FBXO9: variants seen among roughly 807,000 people sequenced by gnomAD.
The protein encoded by FBXO9 is F-box protein 9.
In FBXO9, 43 loss-of-function variants were observed where a neutral mutation model predicts 63.7. The ratio of observed to expected loss-of-function variants is 0.67; its 90% CI spans 0.53 to 0.87. The LOEUF (loss-of-function observed/expected upper bound fraction) is 0.87, where lower values mean the gene tolerates loss of function less well. FBXO9 is among the 40% of genes least tolerant of loss of function. FBXO9 has a pLI of 0.00. For synonymous variants in FBXO9, 156 were observed against 171.7 expected (o/e 0.91, Z 0.72); for missense variants, 442 against 533.2 (o/e 0.83, Z 1.68).
chr6:53,071,009 A>G, intron 1 of FBXO9, 48 bp from the exon 2 acceptor site: 2 of 1,553,002 alleles, frequency 1.3e-6, no homozygotes, highest in Non-Finnish European at 1.7e-6. Flanking sequence ...TGCAGAGGGC[A>G]ACTGGTGTGT....
intron 7 of FBXO9, chr6:53,090,878 T>A (rs1222975230): frequency 6.6e-6 from 1 of 152,130 alleles, no homozygotes; most frequent in Non-Finnish European, 1.5e-5. Context: ...TTTTGCCTAG[T>A]TAATTAAAAA....
intron 5 of FBXO9, among the ~76,000 whole-genome samples, chr6:53,079,921 A>C (rs1207206818): frequency 6.6e-6 from 1 of 152,128 alleles, no homozygotes; most frequent in Non-Finnish European, 1.5e-5. Flanking sequence ...AATATTGTTC[A>C]CCAAATTAGA....
In FBXO9 at chr6:53,093,550, T is replaced by G. The variant is rs1763110327; in HGVS notation, c.948T>G (p.Thr316=). 5 of 1,612,056 alleles carry G rather than the reference T, an allele frequency of 3.1e-6. No homozygotes were observed. Among genetic ancestry groups the G allele is most frequent in the Non-Finnish European group, 4.2e-6 (5 of 1,178,530 alleles). Residue 316 remains threonine, a synonymous_variant, in exon 10 of 13, where the codon ACT becomes ACG. Coordinates refer to ENST00000323557, the MANE Select transcript of FBXO9 (RefSeq NM_033480.3). ...EPQSIVPRLR[T]RNTRTDAILL... ...AGTCCATTGTTCCACGTTTAAGAAC[T>G]AGGAATACCAGGTAGCATTTGTTTT...
chr6:53,068,754 G>A (rs773006852), intron 1 of FBXO9, among the ~76,000 whole-genome samples: 3 of 150,222 alleles, frequency 2.0e-5, no homozygotes, highest in Non-Finnish European at 2.9e-5. Flanking sequence ...CCAGGCTCAA[G>A]CAATCCTCTC....
intron 3 of FBXO9, 107 bp from the exon 4 acceptor site, chr6:53,076,379 A>G: frequency 2.9e-6 from 2 of 685,204 alleles, no homozygotes; most frequent in East Asian, 3.1e-5. Context: ...TAATTTGCCT[A>G]TGAATATCCA....
chr6:53,073,221 T>A (rs915718783), intron 2 of FBXO9, among the ~76,000 whole-genome samples: 1 of 152,180 alleles, frequency 6.6e-6, no homozygotes, highest in Non-Finnish European at 1.5e-5. Flanking sequence ...CTAATTAAAA[T>A]TTGGTTTTCC....
intron 1 of FBXO9, among the ~76,000 whole-genome samples, chr6:53,069,081 C>A (rs1001201150): frequency 3.3e-5 from 5 of 152,152 alleles, no homozygotes; most frequent in Admixed American, 2.0e-4. Flanking sequence ...GAGTTTGAGG[C>A]CATCCTGGGC....
At chr6:53,094,936 A>G (rs553546075) in intron 11 of FBXO9, 32 of 204,126 alleles carry the variant, frequency 1.6e-4, no homozygotes, top group African/African-American at 7.5e-4. Flanking sequence ...TTTTCTCTTC[A>G]GAATATGATG....
At chr6:53,081,321 G>C (rs1015018835) in intron 6 of FBXO9, among the ~76,000 whole-genome samples, 3 of 152,190 alleles carry the variant, frequency 2.0e-5, no homozygotes, top group Non-Finnish European at 4.4e-5. Flanking sequence ...ACCCAGGCTG[G>C]AGTGCAGTGG....
intron 6 of FBXO9, 143 bp downstream of exon 6, chr6:53,081,241 A>C: frequency 1.2e-6 from 1 of 824,176 alleles, no homozygotes; most frequent in Non-Finnish European, 1.9e-6. Context: ...TATCATTTGC[A>C]TATACTATTA....
At chr6:53,087,384 A>G (rs1762923822) in intron 7 of FBXO9, among the ~76,000 whole-genome samples, 1 of 151,116 alleles carries the variant, frequency 6.6e-6, no homozygotes. Context: ...TTTCAGTGTC[A>G]GGCTATTAAC....
At chr6:53,069,999 T>C (rs547073523) in intron 1 of FBXO9, among the ~76,000 whole-genome samples, 103 of 150,304 alleles carry the variant, frequency 6.9e-4, no homozygotes, top group South Asian at 3.7e-3. Flanking sequence ...AAGAATAATA[T>C]TTTTCTTTTC....
chr6:53,067,394 ATGTTGTGATAAAAG>A (rs1168214742), intron 1 of FBXO9, among the ~76,000 whole-genome samples: 1 of 152,208 alleles, frequency 6.6e-6, no homozygotes, highest in Non-Finnish European at 1.5e-5. Flanking sequence ...CTCAGTACAA[ATGTTGTGATAAAAG>A]TAAGCACAAG....
chr6:53,070,697 G>A (rs1768882120), intron 1 of FBXO9, among the ~76,000 whole-genome samples: 1 of 152,192 alleles, frequency 6.6e-6, no homozygotes, highest in Non-Finnish European at 1.5e-5. Flanking sequence ...AAAACCCAGG[G>A]ATTTTGGTGT....
intron 7 of FBXO9, among the ~76,000 whole-genome samples, chr6:53,088,983 G>T (rs1238970221): frequency 6.6e-6 from 1 of 150,380 alleles, no homozygotes; most frequent in Non-Finnish European, 1.5e-5. Context: ...GTGCAGTGGC[G>T]CAATCTCGGC....
intron 7 of FBXO9, among the ~76,000 whole-genome samples, chr6:53,084,156 C>G (rs1205773966): frequency 6.6e-6 from 1 of 152,164 alleles, no homozygotes; most frequent in Non-Finnish European, 1.5e-5. Flanking sequence ...TATGACAATT[C>G]CAATTTGCAT....
At chr6:53,081,937 C>T (rs1416062455) in intron 6 of FBXO9, among the ~76,000 whole-genome samples, 6 of 151,994 alleles carry the variant, frequency 3.9e-5, no homozygotes, top group South Asian at 2.1e-4. Flanking sequence ...GGCGTCGTGG[C>T]GCATGACTGT....
intron 7 of FBXO9, among the ~76,000 whole-genome samples, chr6:53,090,720 G>A (rs1049448757): frequency 5.3e-5 from 8 of 151,974 alleles, no homozygotes; most frequent in Admixed American, 1.3e-4. Context: ...TTGTTCTGTC[G>A]CCCAGGCTGG....
At chr6:53,076,433 C>T in intron 3 of FBXO9, 53 bp from the exon 4 acceptor site, 1 of 1,107,102 alleles carries the variant, frequency 9.0e-7, no homozygotes, top group Non-Finnish European at 1.3e-6. Context: ...TTCTGCCATC[C>T]ATACTAATTT....
Sources: allele counts gnomAD v4.1 joint callset (sites outside exome capture counted in the v4.1 genomes callset), GRCh38; gene constraint gnomAD v4.1.1; transcripts MANE v1.5; gene names NCBI Gene and HGNC (gene_info 2026-07-23, HGNC 2026-07-21).